The following CPQ variants were observed in gnomAD, a reference collection of about 807,000 sequenced individuals.
CPQ encodes the protein carboxypeptidase Q.
In CPQ, 37 loss-of-function variants were observed where a neutral mutation model predicts 45.7. The ratio of observed to expected loss-of-function variants is 0.81; its 90% CI spans 0.62 to 1.07. CPQ has a LOEUF of 1.07. CPQ is among the 50% of genes least tolerant of loss of function. The pLI, the probability that CPQ is intolerant of heterozygous loss-of-function variation, is 0.00. For missense variants in CPQ, 537 were observed against 572.9 expected, an observed-to-expected ratio of 0.94 and a Z score of 0.64; for synonymous variants, 186 against 205.8, an observed-to-expected ratio of 0.90 and a Z score of 0.82.
intron 4 of CPQ, among the ~76,000 whole-genome samples, chr8:96,944,191 G>C (rs561796615): frequency 3.3e-5 from 5 of 152,000 alleles, no homozygotes; most frequent in African/African-American, 9.7e-5. Context: ...GAATCCCGGA[G>C]TTCTGTCTAT....
intron 5 of CPQ, among the ~76,000 whole-genome samples, chr8:96,987,362 A>G (rs139393431): frequency 6.6e-6 from 1 of 152,190 alleles, no homozygotes; most frequent in Non-Finnish European, 1.5e-5. Flanking sequence ...TTTGGGGAGT[A>G]AAAGAACCAA....
intron 5 of CPQ, among the ~76,000 whole-genome samples, chr8:97,022,263 C>T (rs190286005): frequency 1.3e-3 from 199 of 152,284 alleles, no homozygotes; most frequent in African/African-American, 4.5e-3. Context: ...AAATCTAAGA[C>T]CTGAAACTAT....
At chr8:96,751,134 T>A (rs183424423) in intron 1 of CPQ, among the ~76,000 whole-genome samples, 2 of 152,226 alleles carry the variant, frequency 1.3e-5, no homozygotes, top group African/African-American at 4.8e-5. Context: ...TGATTTATAT[T>A]CCTTTGGTTA....
In CPQ at chr8:96,844,515, AGT is replaced by A. The variant is rs575958361; in HGVS notation, c.641+9339_641+9340del. Among the ~76,000 whole-genome samples, 17 of 152,364 alleles carry A rather than the reference AGT, an allele frequency of 1.1e-4. No individual in the cohort carries two copies. The East Asian group carries it at 3.3e-3, about 29-fold the overall frequency. On this transcript the variant is annotated intron_variant, in intron 3 of 7. Coordinates refer to ENST00000220763, the MANE Select transcript of CPQ (RefSeq NM_016134.4). ...GTGACCTTATGTACATTAAACAACCAGTGTGAGCCTGTTTTCTCATCTGTAAC... is the reference window on the plus strand; with the variant it reads ...GTGACCTTATGTACATTAAACAACCAGTGAGCCTGTTTTCTCATCTGTAAC...
chr8:96,656,665 C>A (rs1338879163), intron 1 of CPQ, among the ~76,000 whole-genome samples: 2 of 152,192 alleles, frequency 1.3e-5, no homozygotes, highest in Non-Finnish European at 2.9e-5. Context: ...GTCATCTCCA[C>A]ATCTCCCGCC....
intron 1 of CPQ, among the ~76,000 whole-genome samples, chr8:96,695,474 A>G: frequency 6.6e-6 from 1 of 151,886 alleles, no homozygotes; most frequent in East Asian, 1.9e-4. Flanking sequence ...TCTGCACAGC[A>G]AAAGAAACTA....
chr8:96,856,211 A>G (rs949736118), intron 3 of CPQ, among the ~76,000 whole-genome samples: 2 of 152,204 alleles, frequency 1.3e-5, no homozygotes, highest in African/African-American at 4.8e-5. Context: ...CGGGACACAG[A>G]TTGTGTGGAG....
At chr8:96,941,067 A>G (rs1009620230) in intron 4 of CPQ, among the ~76,000 whole-genome samples, 6 of 152,158 alleles carry the variant, frequency 3.9e-5, no homozygotes, top group South Asian at 2.1e-4. Context: ...AGAAATTCAC[A>G]TAAATGAAAA....
At chr8:96,841,756 A>G (rs888437308) in intron 3 of CPQ, among the ~76,000 whole-genome samples, 2 of 152,196 alleles carry the variant, frequency 1.3e-5, no homozygotes, top group Non-Finnish European at 2.9e-5. Flanking sequence ...ATTTAGTTTG[A>G]AGATGACTAA....
chr8:96,995,926 A>G (rs906072497), intron 5 of CPQ, among the ~76,000 whole-genome samples: 2 of 152,046 alleles, frequency 1.3e-5, no homozygotes, highest in African/African-American at 4.8e-5. Flanking sequence ...GAGATGAATT[A>G]GAGAAGGTAT....
chr8:96,923,564 G>A (rs1375345425), intron 4 of CPQ, among the ~76,000 whole-genome samples: 1 of 151,848 alleles, frequency 6.6e-6, no homozygotes, highest in Non-Finnish European at 1.5e-5. Context: ...TGTCCATCTA[G>A]TCATACATCA....
intron 7 of CPQ, among the ~76,000 whole-genome samples, chr8:97,099,322 G>C (rs974478150): frequency 6.6e-6 from 1 of 151,108 alleles, no homozygotes; most frequent in African/African-American, 2.4e-5. Context: ...GTAGAAACAG[G>C]GTTTCACCAT....
intron 4 of CPQ, among the ~76,000 whole-genome samples, chr8:96,918,176 G>C (rs1483721995): frequency 6.6e-6 from 1 of 152,026 alleles, no homozygotes; most frequent in African/African-American, 2.4e-5. Flanking sequence ...ACCTTTACCT[G>C]TTCCCCAAGA....
chr8:96,797,433 T>G (rs1288704286), intron 2 of CPQ, among the ~76,000 whole-genome samples: 1 of 152,214 alleles, frequency 6.6e-6, no homozygotes, highest in African/African-American at 2.4e-5. Flanking sequence ...AAGAACAGAT[T>G]GCCATTGGTT....
chr8:96,831,925 C>T (rs1371049702), intron 2 of CPQ, among the ~76,000 whole-genome samples: 1 of 152,120 alleles, frequency 6.6e-6, no homozygotes, highest in Non-Finnish European at 1.5e-5. Flanking sequence ...GATTCTTAGT[C>T]AGTCTAGTCA....
intron 7 of CPQ, among the ~76,000 whole-genome samples, chr8:97,139,900 A>G (rs1007319101): frequency 6.6e-6 from 1 of 151,982 alleles, no homozygotes; most frequent in African/African-American, 2.4e-5. Context: ...TTAGGAGCAG[A>G]AATCAATGGA....
chr8:96,729,496 T>A (rs1218323666), intron 1 of CPQ, among the ~76,000 whole-genome samples: 2 of 152,218 alleles, frequency 1.3e-5, no homozygotes, highest in East Asian at 3.8e-4. Context: ...TCAAGGATGA[T>A]CTATTTAAAA....
At chr8:96,676,352 G>A (rs1421035631) in intron 1 of CPQ, among the ~76,000 whole-genome samples, 3 of 151,898 alleles carry the variant, frequency 2.0e-5, no homozygotes, top group African/African-American at 7.3e-5. Context: ...GTAAGTAAGA[G>A]CGTGCAATAT....
intron 1 of CPQ, among the ~76,000 whole-genome samples, chr8:96,711,434 C>G (rs1262999590): frequency 6.6e-6 from 1 of 152,048 alleles, no homozygotes; most frequent in East Asian, 1.9e-4. Context: ...TTAGTCTGTT[C>G]TCACACTGCT....
Sources: allele counts gnomAD v4.1 joint callset (sites outside exome capture counted in the v4.1 genomes callset), GRCh38; gene constraint gnomAD v4.1.1; transcripts MANE v1.5; gene names NCBI Gene and HGNC (gene_info 2026-07-23, HGNC 2026-07-21).